PCDH15: variants seen among roughly 807,000 people sequenced by gnomAD.
The protein encoded by PCDH15 is protocadherin related 15.
Under a neutral mutation model 178.5 loss-of-function variants are expected in PCDH15, and 129 were observed. The observed-to-expected ratio is 0.72, with a 90% CI of 0.63 to 0.84. PCDH15 has a LOEUF of 0.84. Among genes scored for constraint, PCDH15 ranks in the 40% least tolerant of loss-of-function variants. PCDH15 has a pLI of 0.00. For synonymous variants in PCDH15, 800 were observed against 732.0 expected, an observed-to-expected ratio of 1.09 and a Z score of -1.50; for missense variants, 2,230 against 2,099.9, an observed-to-expected ratio of 1.06 and a Z score of -1.21.
At chr10:55,132,315 G>T (rs1468451869) in intron 2 of PCDH15, among the ~76,000 whole-genome samples, 1 of 152,084 alleles carries the variant, frequency 6.6e-6, no homozygotes, top group African/African-American at 2.4e-5. Flanking sequence ...ACAAAAATTG[G>T]GGAAAAAGAG....
At chr10:54,047,607 C>T (rs2093682014) in intron 18 of PCDH15, among the ~76,000 whole-genome samples, 1 of 151,752 alleles carries the variant, frequency 6.6e-6, no homozygotes, top group African/African-American at 2.4e-5. Context: ...GTTTATTGTT[C>T]CCAACTTTAT....
intron 2 of PCDH15, among the ~76,000 whole-genome samples, chr10:55,618,252 C>A (rs1192137834): frequency 1.3e-5 from 2 of 151,946 alleles, no homozygotes; most frequent in African/African-American, 4.8e-5. Context: ...TTCAACTAGT[C>A]ATTCACCAGA....
chr10:53,822,377 A>C lies in PCDH15; in HGVS notation c.4368-2147T>G, dbSNP rs727505113. The C allele has an allele frequency of 1.3e-6, 2 of 1,572,116 alleles. No homozygotes were observed. Among genetic ancestry groups the C allele is most frequent in the Middle Eastern group, 3.4e-4 (2 of 5,914 alleles). On this transcript the variant is annotated intron_variant, in intron 32 of 37. Transcript: ENST00000644397. ...GAGGAAGAGGAAGAGGGATAGAAGG[A>C]GGAGAGGGAGGAGGACAAAAAAGAG...
intron 1 of PCDH15, among the ~76,000 whole-genome samples, chr10:55,194,435 T>C (rs1030155204): frequency 3.9e-5 from 6 of 152,044 alleles, no homozygotes; most frequent in African/African-American, 7.3e-5. Context: ...TTCAATTTTT[T>C]AGAGATAAAG....
intron 2 of PCDH15, among the ~76,000 whole-genome samples, chr10:54,603,434 T>G (rs191796749): frequency 6.6e-6 from 1 of 151,888 alleles, no homozygotes; most frequent in Non-Finnish European, 1.5e-5. Flanking sequence ...TGGGTTAGTA[T>G]GTATTTTTTT....
chr10:55,186,761 AT>A (rs926400444), intron 1 of PCDH15, among the ~76,000 whole-genome samples: 3 of 128,494 alleles, frequency 2.3e-5, no homozygotes, highest in Non-Finnish European at 3.3e-5. Context: ...GTGTGTGTGT[AT>A]TTTTTTTTCC....
At chr10:55,338,197 T>G (rs189567390) in intron 2 of PCDH15, among the ~76,000 whole-genome samples, 2 of 152,272 alleles carry the variant, frequency 1.3e-5, no homozygotes, top group African/African-American at 4.8e-5. Flanking sequence ...TCTCAAACAC[T>G]GTTGGTGGGA....
chr10:54,196,148 G>A (rs982111150), intron 10 of PCDH15, among the ~76,000 whole-genome samples: 19 of 151,896 alleles, frequency 1.3e-4, no homozygotes, highest in Non-Finnish European at 2.5e-4. Flanking sequence ...TTTATTTTAT[G>A]TTTTTATTTT....
At chr10:54,806,582 C>T (rs1452738635) in intron 3 of PCDH15, among the ~76,000 whole-genome samples, 2 of 150,398 alleles carry the variant, frequency 1.3e-5, no homozygotes, top group East Asian at 2.0e-4. Context: ...CTCCCGGGTT[C>T]GAGCAATTCT....
At chr10:54,531,846 C>A (rs533778715) in intron 2 of PCDH15, among the ~76,000 whole-genome samples, 1 of 152,086 alleles carries the variant, frequency 6.6e-6, no homozygotes, top group South Asian at 2.1e-4. Context: ...CCCTCCAAAT[C>A]GCATCCCAGT....
intron 1 of PCDH15, among the ~76,000 whole-genome samples, chr10:54,777,000 T>C (rs1949782633): frequency 6.6e-6 from 1 of 152,226 alleles, no homozygotes; most frequent in Non-Finnish European, 1.5e-5. Context: ...ATGCTGTTTA[T>C]AGTATAATGT....
At chr10:54,114,632 T>C (rs891816330) in intron 15 of PCDH15, among the ~76,000 whole-genome samples, 1 of 152,186 alleles carries the variant, frequency 6.6e-6, no homozygotes, top group African/African-American at 2.4e-5. Flanking sequence ...GAGGATAAAG[T>C]TAACAGAAAG....
intron 3 of PCDH15, among the ~76,000 whole-genome samples, chr10:54,844,228 A>G (rs899713800): frequency 1.3e-5 from 2 of 152,014 alleles, no homozygotes; most frequent in African/African-American, 4.8e-5. Context: ...CACAAATCTT[A>G]TTTTTTATGA....
At chr10:53,918,305 G>A (rs1564765398) in intron 25 of PCDH15, among the ~76,000 whole-genome samples, 1 of 152,128 alleles carries the variant, frequency 6.6e-6, no homozygotes, top group Admixed American at 6.5e-5. Context: ...TGAGACTCAA[G>A]GAGATTAAAG....
In PCDH15 at chr10:54,976,823, T is replaced by C. The variant is rs115227027; in HGVS notation, c.-79-79323A>G. ...TACAGAGGTGGTTTCAGCCCCCATATAAGGAGGGGATTAGTTTTAGGGAGG... is the reference window on the plus strand; with the variant it reads ...TACAGAGGTGGTTTCAGCCCCCATACAAGGAGGGGATTAGTTTTAGGGAGG... On this transcript the variant is annotated intron_variant, in intron 2 of 5. Coordinates refer to the PCDH15 transcript ENST00000458638. Among the ~76,000 whole-genome samples, 837 of 152,206 alleles carry C rather than the reference T, an allele frequency of 5.5e-3. 4 individuals carry two copies. The highest frequency in any genetic ancestry group is 0.019 in the African/African-American group (795 of 41,536).
At chr10:54,219,792 G>A (rs2052579986) in intron 9 of PCDH15, among the ~76,000 whole-genome samples, 1 of 151,832 alleles carries the variant, frequency 6.6e-6, no homozygotes. Flanking sequence ...TATTAAATAA[G>A]GATTGTTATA....
At chr10:54,166,614 G>A (rs1367203093) in intron 13 of PCDH15, among the ~76,000 whole-genome samples, 1 of 152,102 alleles carries the variant, frequency 6.6e-6, no homozygotes. Context: ...TCCTGTATTT[G>A]AAATATCTCA....
Position 53,840,505 on chromosome 10 carries a change from CA to C in PCDH15, c.3807-10del, listed in dbSNP as rs776197832. 6.2e-7 allele frequency: 1 copy of C among 1,612,298 alleles called. No individual in the cohort carries two copies. Among genetic ancestry groups the C allele is most frequent in the East Asian group, 2.2e-5 (1 of 44,864 alleles). ...CATAGCGATCCAAGATCCTATAAATCAAACAAAGTACAAACATGACAGTCCA... is the reference window on the plus strand; with the variant it reads ...CATAGCGATCCAAGATCCTATAAATCAACAAAGTACAAACATGACAGTCCA... On this transcript the variant is annotated splice_polypyrimidine_tract_variant and intron_variant, in intron 28 of 37. Coordinates refer to ENST00000644397, the MANE Select transcript of PCDH15 (RefSeq NM_001384140.1).
rs115713997 is a variant in PCDH15 at position 54,186,037 on chromosome 10, C to T, written c.1306-769G>A. ...TCATTGCCACCCCTGAAACAGAAGA[C>T]AACATACTCTAATTTAGAGAAAGAA... On this transcript the variant is annotated intron_variant, in intron 11 of 37. Coordinates refer to ENST00000644397, the MANE Select transcript of PCDH15 (RefSeq NM_001384140.1). Among the ~76,000 whole-genome samples the T allele has an allele frequency of 2.5e-3, 373 of 151,942 alleles. 1 individual carries two copies. Among genetic ancestry groups the T allele is most frequent in the African/African-American group, 8.6e-3 (358 of 41,494 alleles).
Sources: allele counts gnomAD v4.1 joint callset (sites outside exome capture counted in the v4.1 genomes callset), GRCh38; gene constraint gnomAD v4.1.1; transcripts MANE v1.5; gene names NCBI Gene and HGNC (gene_info 2026-07-23, HGNC 2026-07-21).